Variants in CTNND2 observed in about 807,000 individuals in gnomAD.
CTNND2 encodes catenin delta 2.
Under a neutral mutation model 144.4 loss-of-function variants are expected in CTNND2, and 22 were observed. That is an observed-to-expected ratio of 0.15 (90% CI 0.11 to 0.22). CTNND2 has a LOEUF of 0.22. CTNND2 is among the 10% of genes least tolerant of loss of function. CTNND2 has a pLI of 1.00. For synonymous variants in CTNND2, 751 were observed against 695.6 expected (o/e 1.08, Z -1.25); for missense variants, 1,353 against 1,618.8 (o/e 0.84, Z 2.82).
intron 16 of CTNND2, among the ~76,000 whole-genome samples, chr5:11,042,193 G>A (rs1017584230): frequency 6.6e-6 from 1 of 152,164 alleles, no homozygotes; most frequent in Admixed American, 6.5e-5. Flanking sequence ...AGTGCACACA[G>A]ATCTTTACAC....
chr5:11,079,254 C>G (rs914000588), intron 16 of CTNND2, among the ~76,000 whole-genome samples: 2 of 152,310 alleles, frequency 1.3e-5, no homozygotes, highest in East Asian at 3.9e-4. Context: ...CTCCCAGTTC[C>G]CAAGATCACC....
intron 1 of CTNND2, among the ~76,000 whole-genome samples, chr5:11,840,265 T>A (rs1561848418): frequency 6.6e-6 from 1 of 152,230 alleles, no homozygotes; most frequent in East Asian, 1.9e-4. Flanking sequence ...CAACACAAAA[T>A]CGCTCATCAA....
At chr5:11,857,000 A>G (rs528008867) in intron 1 of CTNND2, among the ~76,000 whole-genome samples, 37 of 152,350 alleles carry the variant, frequency 2.4e-4, no homozygotes, top group African/African-American at 8.4e-4. Flanking sequence ...AGACATATGA[A>G]TGTCCAATAA....
At chr5:11,732,579 A>C (rs1422361360) in intron 1 of CTNND2, among the ~76,000 whole-genome samples, 1 of 152,230 alleles carries the variant, frequency 6.6e-6, no homozygotes, top group Non-Finnish European at 1.5e-5. Context: ...TATAAGAATA[A>C]AGTAATAAAG....
intron 16 of CTNND2, among the ~76,000 whole-genome samples, chr5:11,042,269 T>A (rs1744758733): frequency 6.6e-6 from 1 of 152,210 alleles, no homozygotes; most frequent in Admixed American, 6.5e-5. Context: ...AGAAAAACTC[T>A]TACTATGAAA....
intron 1 of CTNND2, among the ~76,000 whole-genome samples, chr5:11,732,828 C>T (rs6864936): frequency 0.088 from 13,423 of 151,930 alleles, 1,180 homozygotes; most frequent in African/African-American, 0.23. Flanking sequence ...TGCTCTAAGG[C>T]AGGACTCTAA....
At chr5:11,798,633 GGT>G (rs1791525122) in intron 1 of CTNND2, among the ~76,000 whole-genome samples, 1 of 152,128 alleles carries the variant, frequency 6.6e-6, no homozygotes, top group African/African-American at 2.4e-5. Flanking sequence ...TGGGCCTGGT[GGT>G]GCGTGCCTGT....
Position 11,273,801 on chromosome 5 carries a change from T to A in CTNND2, c.1629-36978A>T, listed in dbSNP as rs374547602. Among the ~76,000 whole-genome samples, 33 of 152,286 alleles carry A rather than the reference T, an allele frequency of 2.2e-4. No homozygotes were observed. In the East Asian group the frequency reaches 5.8e-3, roughly 27 times the overall value. ...CTAGGTTGACATGAAGCAGCGTAGG[T>A]TAGCTCCCTCTGTGTATATTTTCCA... On this transcript the variant is annotated intron_variant, in intron 9 of 21. Transcript: ENST00000304623.
chr5:11,674,041 A>G (rs1784042150), intron 2 of CTNND2, among the ~76,000 whole-genome samples: 1 of 152,242 alleles, frequency 6.6e-6, no homozygotes. Flanking sequence ...TTAATACCAG[A>G]AAAAGTCCTT....
chr5:11,666,082 A>G (rs1783555730), intron 2 of CTNND2, among the ~76,000 whole-genome samples: 1 of 152,216 alleles, frequency 6.6e-6, no homozygotes, highest in Non-Finnish European at 1.5e-5. Context: ...GATAGCCAAG[A>G]AGGATGACAC....
chr5:11,428,024 C>A (rs2149867523), intron 3 of CTNND2, among the ~76,000 whole-genome samples: 1 of 152,200 alleles, frequency 6.6e-6, no homozygotes, highest in Middle Eastern at 3.4e-3. Context: ...AGCAGAAACC[C>A]CTGATAAACC....
intron 12 of CTNND2, among the ~76,000 whole-genome samples, chr5:11,142,646 C>T (rs1285641390): frequency 1.4e-5 from 2 of 145,518 alleles, no homozygotes; most frequent in Non-Finnish European, 3.0e-5. Context: ...CAGAGTTTCG[C>T]TCTGTCACCC....
At chr5:11,881,661 A>G (rs1408457637) in intron 1 of CTNND2, among the ~76,000 whole-genome samples, 1 of 151,990 alleles carries the variant, frequency 6.6e-6, no homozygotes, top group Admixed American at 6.6e-5. Flanking sequence ...ATTTAGGCTG[A>G]TATCATATAT....
At chr5:11,389,531 G>A (rs1411051538) in intron 6 of CTNND2, among the ~76,000 whole-genome samples, 1 of 152,146 alleles carries the variant, frequency 6.6e-6, no homozygotes, top group East Asian at 1.9e-4. Context: ...GGCCTCTTGT[G>A]TAATTGTAGA....
intron 9 of CTNND2, among the ~76,000 whole-genome samples, chr5:11,281,847 C>T (rs1747159224): frequency 6.6e-6 from 1 of 152,132 alleles, no homozygotes; most frequent in African/African-American, 2.4e-5. Flanking sequence ...CTTTAAATGG[C>T]CCATCTCTAA....
intron 3 of CTNND2, among the ~76,000 whole-genome samples, chr5:11,437,943 C>A (rs576519359): frequency 6.6e-6 from 1 of 152,124 alleles, no homozygotes; most frequent in Non-Finnish European, 1.5e-5. Context: ...CGAGGTCTGG[C>A]GGAGGGGCAG....
At chr5:11,206,744 C>G (rs573486749) in intron 10 of CTNND2, among the ~76,000 whole-genome samples, 2 of 152,246 alleles carry the variant, frequency 1.3e-5, no homozygotes, top group African/African-American at 4.8e-5. Flanking sequence ...TAGAAAGTAC[C>G]TAAGAAATTC....
chr5:11,413,765 A>C (rs1038105724), intron 3 of CTNND2, among the ~76,000 whole-genome samples: 1 of 152,150 alleles, frequency 6.6e-6, no homozygotes, highest in African/African-American at 2.4e-5. Flanking sequence ...TCCATTATTA[A>C]TTTAGGGCTC....
chr5:11,129,223 TAAA>T (rs1561353347), intron 12 of CTNND2, among the ~76,000 whole-genome samples: 12 of 23,960 alleles, frequency 5.0e-4, no homozygotes, highest in East Asian at 5.5e-3. Flanking sequence ...ATATTATATA[TAAA>T]TATATATTAT....
Sources: gnomAD v4.1 joint callset for allele counts (sites outside exome capture counted in the v4.1 genomes callset) on GRCh38, gnomAD v4.1.1 for gene constraint, MANE v1.5 for transcripts, NCBI Gene and HGNC (gene_info 2026-07-23, HGNC 2026-07-21) for gene names.